Variants in TUB observed in about 807,000 individuals in gnomAD.
TUB encodes tubby protein homolog.
Under a neutral mutation model 59.7 loss-of-function variants are expected in TUB, and 33 were observed. That is an observed-to-expected ratio of 0.55 (90% CI 0.42 to 0.74). The LOEUF is 0.74. Ranked by LOEUF, TUB falls within the 30% of genes least tolerant of loss-of-function variation. The pLI is 0.00. For synonymous variants in TUB, 293 were observed against 256.4 expected (o/e 1.14, Z -1.36); for missense variants, 659 against 672.0 (o/e 0.98, Z 0.21).
At position 8,098,875 on chromosome 11, in the gene TUB, CG is replaced by C. The variant is rs1944126138; in HGVS notation, c.1116+1del. On this transcript the variant is annotated splice_donor_variant, in intron 9 of 11. Transcript: ENST00000299506. LOFTEE classifies it high-confidence loss of function. ...GTCAGGAGCTGGCAGCTGTGTGCTA[CG>C]TGAGTCCTAGGTTCGGGGGTCTCTG... The C allele has an allele frequency of 1.2e-6, 2 of 1,609,670 alleles. No individual in the cohort carries two copies. The highest frequency in any genetic ancestry group is 1.7e-6 in the Non-Finnish European group (2 of 1,176,178).
At position 8,094,195 on chromosome 11, in the gene TUB, C is replaced by T; in HGVS notation, c.397+6C>T. ...GAAGAAGGGAAAGCACAAAGGTCAG[C>T]TCACATTCTCTACAGCCCTCCCCAG... On this transcript the variant is annotated splice_donor_region_variant and intron_variant, in intron 4 of 11. Transcript: ENST00000299506. The T allele has an allele frequency of 6.2e-7, 1 of 1,608,282 alleles. No individual in the cohort carries two copies.
intron 2 of TUB, among the ~76,000 whole-genome samples, chr11:8,052,925 A>T (rs1942955806): frequency 6.6e-6 from 1 of 152,230 alleles, no homozygotes; most frequent in East Asian, 1.9e-4. Context: ...TTTGCTAGGT[A>T]GACAGTTGGA....
At chr11:8,037,191 T>G (rs1325482797), upstream of TUB, among the ~76,000 whole-genome samples, 1 of 152,210 alleles carries the variant, frequency 6.6e-6, no homozygotes, top group East Asian at 1.9e-4. Context: ...GTGTGCCCCT[T>G]GCACTGACTC....
chr11:8,101,007 T>C lies in TUB; in HGVS notation c.1387+10T>C. ...ATCCATGGCAATGACCGTGAGTGTTTCTGTCCCTACTCATTATGGTCCGTA... is the reference window on the plus strand; with the variant it reads ...ATCCATGGCAATGACCGTGAGTGTTCCTGTCCCTACTCATTATGGTCCGTA... On this transcript the variant is annotated intron_variant, in intron 11 of 11. Coordinates refer to ENST00000299506, the MANE Select transcript of TUB (RefSeq NM_177972.3). 6.2e-7 allele frequency: 1 copy of C among 1,614,140 alleles called. No individual in the cohort carries two copies. The highest frequency in any genetic ancestry group is 8.5e-7 in the Non-Finnish European group (1 of 1,180,004).
At chr11:8,037,044 T>C (rs1348043272), upstream of TUB, among the ~76,000 whole-genome samples, 1 of 152,074 alleles carries the variant, frequency 6.6e-6, no homozygotes, top group Non-Finnish European at 1.5e-5. Context: ...GACTGGAGGG[T>C]CTCATTCCAC....
intron 2 of TUB, among the ~76,000 whole-genome samples, chr11:8,064,776 A>G (rs1415762839): frequency 2.0e-5 from 3 of 152,218 alleles, no homozygotes; most frequent in African/African-American, 2.4e-5. Context: ...GGGATCTCAG[A>G]GCAAAGAGGC....
intron 2 of TUB, among the ~76,000 whole-genome samples, chr11:8,064,927 A>C (rs919175136): frequency 1.3e-5 from 2 of 152,232 alleles, no homozygotes; most frequent in Admixed American, 6.5e-5. Context: ...ATGGATACTC[A>C]AAGATATTGT....
chr11:8,031,333 T>TG (rs1398810446), intron 1 of TUB, among the ~76,000 whole-genome samples: 2 of 152,168 alleles, frequency 1.3e-5, no homozygotes, highest in Non-Finnish European at 2.9e-5. Context: ...TTACACTTAA[T>TG]GGGGGGCCAC....
At chr11:8,052,724 C>G (rs542253972) in intron 2 of TUB, among the ~76,000 whole-genome samples, 18 of 152,288 alleles carry the variant, frequency 1.2e-4, no homozygotes, top group African/African-American at 4.3e-4. Context: ...ATCCGGCCAC[C>G]TTGGCCTCAC....
chr11:8,038,663 TG>T, exon 1 of TUB: 2 of 1,363,214 alleles, frequency 1.5e-6, no homozygotes, highest in African/African-American at 1.5e-5. Flanking sequence ...CTGAAGGGTT[TG>T]GGGGGAGACT....
At chr11:8,031,261 C>G (rs1942566954) in intron 1 of TUB, among the ~76,000 whole-genome samples, 1 of 151,918 alleles carries the variant, frequency 6.6e-6, no homozygotes, top group Admixed American at 6.5e-5. Context: ...TTGGTGGGGT[C>G]AAGAGGTAGG....
At chr11:8,074,103 T>A (rs1247907691) in intron 2 of TUB, among the ~76,000 whole-genome samples, 1 of 152,098 alleles carries the variant, frequency 6.6e-6, no homozygotes, top group Admixed American at 6.5e-5. Flanking sequence ...GTGGTTTTTT[T>A]TTTTACCAAA....
At chr11:8,078,758 C>G (rs1230120919), upstream of TUB, among the ~76,000 whole-genome samples, 3 of 152,084 alleles carry the variant, frequency 2.0e-5, no homozygotes, top group South Asian at 4.1e-4. Flanking sequence ...CCTGCTGCCC[C>G]CAACTTCCCA....
At chr11:8,021,170 AT>A (rs1554919122) in intron 1 of TUB, among the ~76,000 whole-genome samples, 2 of 152,216 alleles carry the variant, frequency 1.3e-5, no homozygotes, top group Non-Finnish European at 1.5e-5. Context: ...TGAGTATTAA[AT>A]GAGGTAATAG....
intron 3 of TUB, among the ~76,000 whole-genome samples, chr11:8,092,758 CGTGGCCTACCCAGGAACTG>C (rs1943820448): frequency 6.6e-6 from 1 of 152,178 alleles, no homozygotes; most frequent in African/African-American, 2.4e-5. Flanking sequence ...TGCACACACG[CGTGGCCTACCCAGGAACTG>C]GTGTTTCCAG....
At chr11:8,083,838 G>A (rs1369626050) in intron 1 of TUB, among the ~76,000 whole-genome samples, 1 of 152,146 alleles carries the variant, frequency 6.6e-6, no homozygotes, top group Non-Finnish European at 1.5e-5. Context: ...TGCCCTGCTG[G>A]GGTCTTTCTG....
chr11:8,052,258 C>G (rs1230722661), intron 2 of TUB, among the ~76,000 whole-genome samples: 2 of 152,150 alleles, frequency 1.3e-5, no homozygotes, highest in Non-Finnish European at 2.9e-5. Context: ...AGAATGGGAT[C>G]ACACCTGTCA....
In TUB at chr11:8,094,514, C is replaced by T. The variant is rs116114064; in HGVS notation, c.397+325C>T. ...ATGACCCCTCAAGGAGGATCTCACC[C>T]AGCCTGGACTAGGACACTCACTGCA... On this transcript the variant is annotated intron_variant, in intron 4 of 11. Transcript: ENST00000299506. 4.4e-3 allele frequency among the ~76,000 whole-genome samples: 673 copies of T among 152,352 alleles called. 6 individuals are homozygous for T. The highest frequency in any genetic ancestry group is 0.015 in the African/African-American group (637 of 41,586).
At chr11:8,019,278 G>A (rs1018109640) in exon 1 of TUB, 1 of 1,257,660 alleles carries the variant, frequency 8.0e-7, no homozygotes, top group Non-Finnish European at 9.9e-7. Context: ...CGCCCGCGGA[G>A]CCCCGAGCGG....
Sources: gnomAD v4.1 joint callset for allele counts (sites outside exome capture counted in the v4.1 genomes callset) on GRCh38, gnomAD v4.1.1 for gene constraint, MANE v1.5 for transcripts, NCBI Gene and HGNC (gene_info 2026-07-23, HGNC 2026-07-21) for gene names.